The following AGBL4 variants were observed in gnomAD, a reference collection of about 807,000 sequenced individuals.
The protein encoded by AGBL4 is cytosolic carboxypeptidase 6.
In AGBL4, 58 loss-of-function variants were observed where a neutral mutation model predicts 66.4. The ratio of observed to expected loss-of-function variants is 0.87; its 90% CI spans 0.71 to 1.09. The LOEUF is 1.09. AGBL4 is among the 50% of genes least tolerant of loss of function. The pLI, the probability that AGBL4 is intolerant of heterozygous loss-of-function variation, is 0.00. For missense variants in AGBL4, 579 were observed against 631.0 expected, an observed-to-expected ratio of 0.92 and a Z score of 0.88; for synonymous variants, 234 against 222.9, an observed-to-expected ratio of 1.05 and a Z score of -0.44.
intron 1 of AGBL4, among the ~76,000 whole-genome samples, chr1:49,871,503 TG>T (rs1646838651): frequency 6.6e-6 from 1 of 152,114 alleles, no homozygotes. Flanking sequence ...TTTAAAGTTT[TG>T]GTATTTCACA....
At chr1:49,845,979 A>G (rs1646131812) in intron 2 of AGBL4, 5 of 1,578,296 alleles carry the variant, frequency 3.2e-6, no homozygotes, top group Non-Finnish European at 4.3e-6. Context: ...CATCAGCGAA[A>G]CCACACTGAG....
intron 1 of AGBL4, among the ~76,000 whole-genome samples, chr1:49,861,417 C>T (rs1646569253): frequency 1.3e-5 from 2 of 151,890 alleles, no homozygotes; most frequent in South Asian, 4.2e-4. Flanking sequence ...AGGACTTTGT[C>T]GTACATCTTG....
chr1:49,856,962 T>G (rs1646449808), intron 1 of AGBL4, among the ~76,000 whole-genome samples: 1 of 151,964 alleles, frequency 6.6e-6, no homozygotes, highest in Non-Finnish European at 1.5e-5. Flanking sequence ...ACATGATCTT[T>G]TATTTAGAAA....
intron 11 of AGBL4, among the ~76,000 whole-genome samples, chr1:48,581,027 C>T (rs1644732017): frequency 6.6e-6 from 1 of 152,222 alleles, no homozygotes; most frequent in African/African-American, 2.4e-5. Flanking sequence ...AGGTGACTCC[C>T]ACTGCTTCCC....
chr1:49,260,549 A>C lies in AGBL4; in HGVS notation c.283-14685T>G, dbSNP rs544079189. Among the ~76,000 whole-genome samples, 50 of 152,336 alleles carry C rather than the reference A, an allele frequency of 3.3e-4. 1 individual carries two copies. In the South Asian group the frequency reaches 9.5e-3, roughly 29 times the overall value. On this transcript the variant is annotated intron_variant, in intron 3 of 13. Transcript: ENST00000371839. ...AAACACCTCTACACAAATAAACCAG[A>C]AAATCTAGAAGAAATGGATAAATTC... is the stretch of plus-strand genomic sequence containing the variant.
intron 4 of AGBL4, among the ~76,000 whole-genome samples, chr1:49,112,339 C>T (rs572627258): frequency 2.6e-5 from 4 of 152,296 alleles, no homozygotes; most frequent in African/African-American, 7.2e-5. Context: ...ACCATCTGAG[C>T]CTTCAGAGAG....
At chr1:48,591,075 C>T (rs1291020201) in intron 9 of AGBL4, 90 bp from the exon 10 acceptor site, 9 of 966,890 alleles carry the variant, frequency 9.3e-6, no homozygotes, top group Admixed American at 2.9e-5. Context: ...ACACACCCCC[C>T]ACACACACCC....
intron 3 of AGBL4, among the ~76,000 whole-genome samples, chr1:49,314,152 A>T (rs983570953): frequency 2.0e-5 from 3 of 152,064 alleles, no homozygotes; most frequent in Non-Finnish European, 2.9e-5. Flanking sequence ...TGTTTTTGTC[A>T]GGTTTGTCAA....
intron 3 of AGBL4, among the ~76,000 whole-genome samples, chr1:49,649,461 C>T (rs1339701547): frequency 1.3e-5 from 2 of 152,092 alleles, no homozygotes; most frequent in South Asian, 4.1e-4. Flanking sequence ...GAGCATCAAA[C>T]TACATGAGAC....
intron 5 of AGBL4, among the ~76,000 whole-genome samples, chr1:48,992,578 C>G (rs1269054004): frequency 6.6e-6 from 1 of 152,118 alleles, no homozygotes; most frequent in African/African-American, 2.4e-5. Context: ...GCAGCAAGTT[C>G]CCCCTCAACC....
chr1:49,125,504 T>C (rs1449785374), intron 4 of AGBL4, among the ~76,000 whole-genome samples: 1 of 152,084 alleles, frequency 6.6e-6, no homozygotes, highest in Non-Finnish European at 1.5e-5. Flanking sequence ...GCTCATCAAA[T>C]AGATCAAGTG....
At chr1:48,836,178 G>A (rs1248592079) in intron 6 of AGBL4, among the ~76,000 whole-genome samples, 1 of 151,604 alleles carries the variant, frequency 6.6e-6, no homozygotes, top group Non-Finnish European at 1.5e-5. Flanking sequence ...TAGAGGCAGA[G>A]GACAGGCAAC....
chr1:48,584,245 G>C (rs1196479981), intron 11 of AGBL4: 1 of 152,010 alleles, frequency 6.6e-6, no homozygotes, highest in Non-Finnish European at 1.5e-5. Flanking sequence ...TCCTTCCATT[G>C]TCTACATTCA....
At chr1:49,899,471 G>C (rs1649555362) in intron 1 of AGBL4, among the ~76,000 whole-genome samples, 1 of 151,040 alleles carries the variant, frequency 6.6e-6, no homozygotes, top group African/African-American at 2.4e-5. Flanking sequence ...TTACATGCCT[G>C]TATCAAAGGA....
At chr1:48,823,933 C>T (rs1298594929) in intron 6 of AGBL4, among the ~76,000 whole-genome samples, 1 of 151,914 alleles carries the variant, frequency 6.6e-6, no homozygotes, top group Non-Finnish European at 1.5e-5. Flanking sequence ...AGAATCGTTA[C>T]CAGGAATACA....
rs1644369396 is a variant in AGBL4 at position 49,782,905 on chromosome 1, TTC to T, written c.157+68489_157+68490del. On this transcript the variant is annotated intron_variant, in intron 2 of 13. Transcript: ENST00000371839. Reference sequence around the variant, plus strand: ...CTTCCAGAGCCATAAACCAATAAATTTCTGTTTATTGCAAATTATTCAGTCAG... The same window carrying T: ...CTTCCAGAGCCATAAACCAATAAATTTGTTTATTGCAAATTATTCAGTCAG... 1.3e-4 allele frequency among the ~76,000 whole-genome samples: 20 copies of T among 152,284 alleles called. No individual in the cohort carries two copies. The South Asian group carries it at 4.1e-3, about 32-fold the overall frequency.
At chr1:48,658,392 T>C (rs1209294687) in intron 7 of AGBL4, among the ~76,000 whole-genome samples, 3 of 152,218 alleles carry the variant, frequency 2.0e-5, no homozygotes, top group Non-Finnish European at 4.4e-5. Flanking sequence ...GCAAGACAGT[T>C]TGAGGTCTCT....
Position 49,735,288 on chromosome 1 carries a change from GGTGTGTGGGTGTGTGTGTGT to G in AGBL4, c.158-37871_158-37852del, listed in dbSNP as rs1032028037. On this transcript the variant is annotated intron_variant, in intron 2 of 13. Coordinates refer to ENST00000371839, the MANE Select transcript of AGBL4 (RefSeq NM_032785.4). Reference sequence around the variant, plus strand: ...AATGTCCTTAAAACAAAGAGGTAGAGGTGTGTGGGTGTGTGTGTGTGTGTGTGTGTGTGTGTGTGTGTGTG... The same window carrying G: ...AATGTCCTTAAAACAAAGAGGTAGAGGTGTGTGTGTGTGTGTGTGTGTGTG... 5.4e-4 allele frequency among the ~76,000 whole-genome samples: 62 copies of G among 115,144 alleles called. 1 individual carries two copies. In the East Asian group the frequency reaches 0.012, roughly 23 times the overall value. 75.5% of individuals were successfully genotyped at this position (115,144 alleles called of 152,430 possible).
intron 2 of AGBL4, among the ~76,000 whole-genome samples, chr1:49,703,197 AC>A (rs1341705389): frequency 2.0e-5 from 3 of 151,634 alleles, no homozygotes; most frequent in African/African-American, 7.2e-5. Context: ...GAATCCACAT[AC>A]CAAAAAAAAA....
Sources: gnomAD v4.1 joint callset for allele counts (sites outside exome capture counted in the v4.1 genomes callset) on GRCh38, gnomAD v4.1.1 for gene constraint, MANE v1.5 for transcripts, NCBI Gene and HGNC (gene_info 2026-07-23, HGNC 2026-07-21) for gene names.